Variants in FYB1 observed in about 807,000 individuals in gnomAD.
FYB1 encodes the protein FYN-binding protein 1.
FYB1 carries 41 observed loss-of-function variants against 94.1 expected under a neutral mutation model. The ratio of observed to expected loss-of-function variants is 0.44; its 90% CI spans 0.34 to 0.57. The LOEUF is 0.57. Ranked by LOEUF, FYB1 falls within the 20% of genes least tolerant of loss-of-function variation. The pLI, the probability that FYB1 is intolerant of heterozygous loss-of-function variation, is 0.02. For synonymous variants in FYB1, 367 were observed against 353.2 expected, an observed-to-expected ratio of 1.04 and a Z score of -0.44; for missense variants, 1,050 against 976.8, an observed-to-expected ratio of 1.07 and a Z score of -1.00.
At chr5:39,244,710 G>A (rs1751389117) in intron 1 of FYB1, among the ~76,000 whole-genome samples, 1 of 152,154 alleles carries the variant, frequency 6.6e-6, no homozygotes, top group African/African-American at 2.4e-5. Context: ...GTTTCAGAAG[G>A]AATGGTACCA....
intron 16 of FYB1, among the ~76,000 whole-genome samples, chr5:39,114,274 C>T (rs1739330284): frequency 6.6e-6 from 1 of 152,064 alleles, no homozygotes; most frequent in African/African-American, 2.4e-5. Flanking sequence ...TGTATAAATA[C>T]TAGTGAGAAA....
At chr5:39,233,852 A>T (rs1348237213) in intron 1 of FYB1, among the ~76,000 whole-genome samples, 3 of 152,138 alleles carry the variant, frequency 2.0e-5, no homozygotes, top group Non-Finnish European at 4.4e-5. Context: ...AGAAAATTCC[A>T]CTGAGAACTC....
At position 39,232,701 on chromosome 5, in the gene FYB1, A is replaced by G. The variant is rs190134727; in HGVS notation, c.-27-29714T>C. Among the ~76,000 whole-genome samples the G allele has an allele frequency of 2.5e-4, 37 of 150,592 alleles. No homozygotes were observed. In the East Asian group the frequency reaches 6.3e-3, roughly 26 times the overall value. The stretch of plus-strand genomic sequence containing the variant: ...CATCTAGCATTAGGTATATCTCCCA[A>G]TGCTAACCCTCCCCCCTCCCCCCAA... On this transcript the variant is annotated intron_variant, in intron 1 of 1. Coordinates refer to the FYB1 transcript ENST00000510188.
At chr5:39,219,874 G>A (rs1750153322), upstream of FYB1, among the ~76,000 whole-genome samples, 1 of 152,146 alleles carries the variant, frequency 6.6e-6, no homozygotes, top group African/African-American at 2.4e-5. Context: ...ACCCAGGAGT[G>A]TCACCTGCAA....
At chr5:39,264,781 A>G (rs659639) in intron 1 of FYB1, among the ~76,000 whole-genome samples, 55,396 of 151,902 alleles carry the variant, frequency 0.36, 11,434 homozygotes, top group East Asian at 0.56. Context: ...TGCTGTAGTG[A>G]TTCCCATGTG....
intron 1 of FYB1, among the ~76,000 whole-genome samples, chr5:39,255,682 A>G (rs1403983552): frequency 6.6e-5 from 10 of 152,158 alleles, no homozygotes; most frequent in African/African-American, 2.4e-4. Flanking sequence ...CTCTTTCTAC[A>G]TACCCAGAAC....
chr5:39,261,338 A>ACAC (rs1491234100), intron 1 of FYB1, among the ~76,000 whole-genome samples: 3 of 428 alleles, frequency 7.0e-3, no homozygotes, highest in African/African-American at 8.9e-3. Flanking sequence ...GTAGATTAAG[A>ACAC]CACACACACA....
At chr5:39,149,191 T>A (rs1335103235) in intron 3 of FYB1, among the ~76,000 whole-genome samples, 2 of 152,222 alleles carry the variant, frequency 1.3e-5, no homozygotes, top group African/African-American at 2.4e-5. Context: ...TTCTCACCTG[T>A]CTGGAATCTT....
chr5:39,231,176 A>AC (rs752532201), intron 1 of FYB1, among the ~76,000 whole-genome samples: 1,524 of 125,092 alleles, frequency 0.012, 60 homozygotes, highest in African/African-American at 0.067. Flanking sequence ...AAAAAACAAA[A>AC]AAAACAAAAC....
At chr5:39,141,061 A>C in intron 4 of FYB1, 34 bp downstream of exon 4, 1 of 1,464,904 alleles carries the variant, frequency 6.8e-7, no homozygotes, top group Non-Finnish European at 9.4e-7. Context: ...CTGAGTTTAC[A>C]AATAAATAAA....
chr5:39,151,330 C>T lies in FYB1; in HGVS notation c.1292+2118G>A, dbSNP rs561579055. 1.2e-4 allele frequency among the ~76,000 whole-genome samples: 18 copies of T among 152,258 alleles called. No individual in the cohort carries two copies. In the South Asian group the frequency reaches 3.7e-3, roughly 32 times the overall value. ...TTTGAGATAGGGTCTTGCTCTGTCA[C>T]CCAGGCTGGAGTGCAGTGGCACAAT... On this transcript the variant is annotated intron_variant, in intron 3 of 18. Transcript: ENST00000512982.
chr5:39,164,142 A>G (rs999807321), intron 2 of FYB1, among the ~76,000 whole-genome samples: 2 of 151,286 alleles, frequency 1.3e-5, no homozygotes, highest in Non-Finnish European at 2.9e-5. Flanking sequence ...CAGAGGAGAA[A>G]TAAAGCATGT....
At chr5:39,242,288 C>G (rs536879071) in intron 1 of FYB1, among the ~76,000 whole-genome samples, 1 of 131,434 alleles carries the variant, frequency 7.6e-6, no homozygotes, top group East Asian at 2.7e-4. Flanking sequence ...ATCCCTCCCC[C>G]CTCCCCCCAC....
intron 2 of FYB1, among the ~76,000 whole-genome samples, chr5:39,156,244 C>G (rs963285995): frequency 1.4e-4 from 22 of 152,142 alleles, no homozygotes; most frequent in Admixed American, 1.4e-3. Flanking sequence ...TTATGAGACT[C>G]TAATGGGCCC....
chr5:39,177,616 A>AT (rs990857943), intron 2 of FYB1, among the ~76,000 whole-genome samples: 8 of 152,012 alleles, frequency 5.3e-5, no homozygotes, highest in Non-Finnish European at 8.8e-5. Context: ...ATGCAAAACT[A>AT]TTTTTTCCCA....
chr5:39,216,694 T>C (rs190697129), intron 1 of FYB1, among the ~76,000 whole-genome samples: 2 of 152,336 alleles, frequency 1.3e-5, no homozygotes, highest in East Asian at 3.9e-4. Context: ...TGATTATTTT[T>C]TGCTGCACCA....
chr5:39,171,164 C>T (rs2150398920), intron 2 of FYB1, among the ~76,000 whole-genome samples: 2 of 152,024 alleles, frequency 1.3e-5, no homozygotes, highest in East Asian at 3.9e-4. Flanking sequence ...GTAGCACAAG[C>T]CTGTAATCCC....
chr5:39,134,106 G>C, intron 9 of FYB1, 102 bp downstream of exon 9: 1 of 784,902 alleles, frequency 1.3e-6, no homozygotes, highest in Non-Finnish European at 2.0e-6. Flanking sequence ...TAGTGATAGA[G>C]AGCAGTAGGA....
At chr5:39,135,759 A>C (rs1741624439) in intron 7 of FYB1, among the ~76,000 whole-genome samples, 3 of 152,200 alleles carry the variant, frequency 2.0e-5, no homozygotes. Context: ...CTAAGAAATA[A>C]AGAAAATAAT....
Sources: gnomAD v4.1 joint callset for allele counts (sites outside exome capture counted in the v4.1 genomes callset) on GRCh38, gnomAD v4.1.1 for gene constraint, MANE v1.5 for transcripts, NCBI Gene and HGNC (gene_info 2026-07-23, HGNC 2026-07-21) for gene names.